The following PSMC6 variants were observed in gnomAD, a reference collection of about 807,000 sequenced individuals.
PSMC6 encodes proteasome 26S subunit, ATPase 6.
PSMC6 carries 3 observed loss-of-function variants against 55.9 expected under a neutral mutation model. That is an observed-to-expected ratio of 0.05 (90% CI 0.02 to 0.14). PSMC6 has a LOEUF of 0.14. PSMC6 is among the 10% of genes least tolerant of loss of function. The pLI, the probability that PSMC6 is intolerant of heterozygous loss-of-function variation, is 1.00. For synonymous variants in PSMC6, 137 were observed against 155.9 expected (o/e 0.88, Z 0.90); for missense variants, 210 against 478.7 (o/e 0.44, Z 5.24).
Position 52,708,459 on chromosome 14 carries a change from A to G in PSMC6, c.166-24A>G, listed in dbSNP as rs370527009. 6 of 1,613,718 alleles carry G rather than the reference A, an allele frequency of 3.7e-6. No individual in the cohort carries two copies. The African/African-American group carries it at 6.7e-5, about 18-fold the overall frequency. On this transcript the variant is annotated intron_variant, in intron 2 of 13. Transcript: ENST00000445930. ...TTTTATTTAGCTGTTGCCAAAAAGT[A>G]ATGCTTTTTATTTTCTTCCTTAGAT...
In PSMC6 at chr14:52,724,063, A is replaced by G. The variant is rs773519902; in HGVS notation, c.1051+27A>G. On this transcript the variant is annotated intron_variant, in intron 13 of 13. Transcript: ENST00000445930. Reference sequence around the variant, plus strand: ...TAAGGGTTTAAAGTACAGTTTTACTATTGATTTTGATTTTTAAAATTTGCT... The same window carrying G: ...TAAGGGTTTAAAGTACAGTTTTACTGTTGATTTTGATTTTTAAAATTTGCT... The G allele has an allele frequency of 7.6e-6, 12 of 1,583,158 alleles. No individual in the cohort carries two copies. The East Asian group carries it at 1.8e-4, about 24-fold the overall frequency.
chr14:52,715,504 C>T (rs1255134016), intron 7 of PSMC6, among the ~76,000 whole-genome samples: 1 of 152,128 alleles, frequency 6.6e-6, no homozygotes, highest in African/African-American at 2.4e-5. Flanking sequence ...TGTTAAACAA[C>T]TGACACCATC....
chr14:52,716,201 C>T (rs1019724942), intron 7 of PSMC6, among the ~76,000 whole-genome samples: 6 of 152,120 alleles, frequency 3.9e-5, no homozygotes, highest in African/African-American at 1.2e-4. Context: ...AAAGTGTTTG[C>T]AAGATGTAGA....
At position 52,721,134 on chromosome 14, in the gene PSMC6, C is replaced by T; in HGVS notation, c.923C>T (p.Ala308Val). The T allele has an allele frequency of 6.3e-7, 1 of 1,597,290 alleles. No homozygotes were observed. The highest frequency in any genetic ancestry group is 8.5e-7 in the Non-Finnish European group (1 of 1,174,674). The change falls in exon 12 of 14, where the codon GCA becomes GTA. Residue 308 changes from alanine to valine, a missense_variant. By Grantham distance (64) the Ala-to-Val change is moderately conservative (BLOSUM62 0). Coordinates refer to ENST00000445930, the MANE Select transcript of PSMC6 (RefSeq NM_002806.5). Reference protein sequence around the residue: ...KIHIDLPNEQARLDILKIHAG... With the variant: ...KIHIDLPNEQVRLDILKIHAG... ...GATATTGATTTGCCAAATGAACAAG[C>T]AAGATTAGACATACTGAAAATCCAT...
Position 52,721,137 on chromosome 14 carries a change from G to A in PSMC6, c.926G>A (p.Arg309Lys). 6.3e-7 allele frequency: 1 copy of A among 1,599,984 alleles called. No individual in the cohort carries two copies. The highest frequency in any genetic ancestry group is 8.5e-7 in the Non-Finnish European group (1 of 1,175,752). The change falls in exon 12 of 14, where the codon AGA (arginine) becomes AAA (lysine). Residue 309 changes from arginine to lysine, a missense_variant. Around this residue, in one of 4 missense-constraint regions of PSMC6, gnomAD observed 79 missense variants for 158.7 expected, o/e 0.50. Transcript: ENST00000445930. ...IHIDLPNEQA[R>K]LDILKIHAGP... ...ATTGATTTGCCAAATGAACAAGCAA[G>A]ATTAGACATACTGAAAATCCATGCA...
chr14:52,720,397 A>AAAT (rs2041878344), intron 10 of PSMC6, among the ~76,000 whole-genome samples: 2 of 147,900 alleles, frequency 1.4e-5, no homozygotes, highest in Non-Finnish European at 3.0e-5. Flanking sequence ...AAAAAAAAAA[A>AAAT]TTATCAGTTT....
chr14:52,714,962 A>C (rs1438056072), intron 7 of PSMC6, among the ~76,000 whole-genome samples: 4 of 152,110 alleles, frequency 2.6e-5, no homozygotes, highest in Admixed American at 2.0e-4. Context: ...ACAAAACAAA[A>C]AACTAAAATG....
chr14:52,710,915 GC>G, intron 4 of PSMC6, 185 bp from the exon 5 acceptor site: 1 of 616,642 alleles, frequency 1.6e-6, no homozygotes, highest in Non-Finnish European at 2.9e-6. Flanking sequence ...CTTTTAAGGA[GC>G]AGGTGGAAAT....
At chr14:52,721,313 A>G in intron 12 of PSMC6, 123 bp downstream of exon 12, 3 of 812,854 alleles carry the variant, frequency 3.7e-6, no homozygotes, top group Non-Finnish European at 5.6e-6. Flanking sequence ...TTTTAAATTC[A>G]GCAAATAGTT....
intron 8 of PSMC6, 30 bp downstream of exon 8, chr14:52,718,172 A>G (rs374707958): frequency 5.0e-5 from 81 of 1,611,038 alleles, no homozygotes; most frequent in Non-Finnish European, 6.6e-5. Flanking sequence ...GTACTTATTG[A>G]AATTTAATTT....
chr14:52,712,115 C>T (rs1416374807), intron 6 of PSMC6, among the ~76,000 whole-genome samples: 1 of 152,088 alleles, frequency 6.6e-6, no homozygotes, highest in African/African-American at 2.4e-5. Context: ...TGGATTTTAT[C>T]CTAAATTAGG....
intron 8 of PSMC6, 36 bp from the exon 9 acceptor site, chr14:52,718,193 A>G (rs1166005189): frequency 6.2e-7 from 1 of 1,608,990 alleles, no homozygotes; most frequent in Non-Finnish European, 8.5e-7. Context: ...TACTTGAATT[A>G]TCTTATATTT....
chr14:52,715,055 T>C (rs1407617490), intron 7 of PSMC6, among the ~76,000 whole-genome samples: 3 of 151,724 alleles, frequency 2.0e-5, no homozygotes, highest in Admixed American at 6.6e-5. Context: ...TGCACTGTAG[T>C]GTGAATCAGC....
rs536558690 is a variant in PSMC6, at chr14:52,719,073, A to C, written c.777+35A>C. 153 of 1,500,526 alleles carry C rather than the reference A, an allele frequency of 1.0e-4. 3 individuals carry two copies. The South Asian group carries it at 1.5e-3, about 15-fold the overall frequency. The allele number at this position is 1,500,526 out of a possible 1,614,324, so 93.0% of individuals were successfully genotyped here. A position where few individuals can be genotyped will look rare whatever the true frequency, so the allele number is the denominator to read the frequency against. ...GGTAAAGGGGGTTTATAAAGAAACC[A>C]ATGTTTATTAAATGAAGAACTGAAC... On this transcript the variant is annotated intron_variant, in intron 10 of 13. Coordinates refer to ENST00000445930, the MANE Select transcript of PSMC6 (RefSeq NM_002806.5).
chr14:52,719,537 A>G (rs1381670776), intron 10 of PSMC6, among the ~76,000 whole-genome samples: 2 of 152,092 alleles, frequency 1.3e-5, no homozygotes, highest in Non-Finnish European at 2.9e-5. Flanking sequence ...ACCTTTCCCC[A>G]CTCCAAATTC....
At chr14:52,711,228 A>C (rs1182760695) in intron 5 of PSMC6, 60 bp downstream of exon 5, 2 of 1,469,312 alleles carry the variant, frequency 1.4e-6, no homozygotes, top group African/African-American at 1.4e-5. Context: ...TTTTTATCTG[A>C]GATATATGCT....
At chr14:52,713,656 T>C (rs2041799256) in intron 6 of PSMC6, among the ~76,000 whole-genome samples, 1 of 152,210 alleles carries the variant, frequency 6.6e-6, no homozygotes, top group African/African-American at 2.4e-5. Flanking sequence ...ATCAAGTGTG[T>C]GGTTTATTTA....
rs981790997 is a variant in PSMC6, at chr14:52,728,227, A to G, written c.*610A>G. ...TTCTTCATCTACTGTGATTAAGCTC[A>G]TTGTTGGTTAATTGAAAATATACAT... On this transcript the variant is annotated 3_prime_UTR_variant, in exon 14 of 14. Transcript: ENST00000445930. 4 of 152,224 alleles carry G rather than the reference A, an allele frequency of 2.6e-5. No individual in the cohort carries two copies. The highest frequency in any genetic ancestry group is 9.7e-5 in the African/African-American group (4 of 41,432). 9.4% of individuals were successfully genotyped at this position (152,224 alleles called of 1,614,324 possible). A position where few individuals can be genotyped will look rare whatever the true frequency, so the allele number is the denominator to read the frequency against.
At position 52,707,235 on chromosome 14, in the gene PSMC6, G is replaced by A. The variant is rs542227590; in HGVS notation, c.16G>A (p.Asp6Asn). ...GCTTCTCATCATGGCGGACCCTAGA[G>A]ATAAGGCGCTTCAGGACTACCGCAA... MADPRDKALQDYRKKL... is the reference protein window; with the variant it reads MADPRNKALQDYRKKL... The change falls in exon 1 of 14, where the codon GAT (aspartate) becomes AAT (asparagine). Residue 6 changes from aspartate (D) to asparagine (N), a missense_variant. Physicochemically the swap from Asp to Asn is conservative, Grantham distance 23. Transcript: ENST00000445930. 6.2e-7 allele frequency: 1 copy of A among 1,613,902 alleles called. No homozygotes were observed. Among genetic ancestry groups the A allele is most frequent in the Non-Finnish European group, 8.5e-7 (1 of 1,180,018 alleles).
Sources: allele counts gnomAD v4.1 joint callset (sites outside exome capture counted in the v4.1 genomes callset), GRCh38; gene constraint gnomAD v4.1.1; regional missense constraint gnomAD v4.1.1; transcripts MANE v1.5; gene names NCBI Gene and HGNC (gene_info 2026-07-23, HGNC 2026-07-21).